BTG3: variants seen among roughly 807,000 people sequenced by gnomAD.
BTG3 encodes the protein protein BTG3.
Under a neutral mutation model 25.8 loss-of-function variants are expected in BTG3, and 4 were observed. The observed-to-expected ratio is 0.16, with a 90% CI of 0.08 to 0.36. BTG3 has a LOEUF of 0.36. Ranked by LOEUF, BTG3 falls within the 10% of genes least tolerant of loss-of-function variation. BTG3 has a pLI of 1.00. For missense variants in BTG3, 201 were observed against 304.9 expected, an observed-to-expected ratio of 0.66 and a Z score of 2.54; for synonymous variants, 107 against 99.9, an observed-to-expected ratio of 1.07 and a Z score of -0.42.
Position 17,606,297 on chromosome 21 carries a change from A to ATT in BTG3, c.174-1301_174-1300insAA, listed in dbSNP as rs2061641332. Among the ~76,000 whole-genome samples the ATT allele has an allele frequency of 2.0e-5, 3 of 152,140 alleles. No individual in the cohort carries two copies. In the South Asian group the frequency reaches 6.2e-4, roughly 31 times the overall value. ...TACTAAGTGATGGATCTAGGGTTCA[A>ATT]ATCCAGGCCACTAGACTCCAAAGAG... On this transcript the variant is annotated intron_variant, in intron 2 of 4. Coordinates refer to ENST00000348354, the MANE Select transcript of BTG3 (RefSeq NM_006806.5).
chr21:17,599,197 G>A lies in BTG3; in HGVS notation c.312-373C>T, dbSNP rs191935506. 579 of 194,446 alleles carry A rather than the reference G, an allele frequency of 3.0e-3. 4 individuals carry two copies. The highest frequency in any genetic ancestry group is 0.013 in the African/African-American group (537 of 41,960). The allele number at this position is 194,446 out of a possible 1,614,324, so 12.0% of individuals were successfully genotyped here. A position where few individuals can be genotyped will look rare whatever the true frequency, so the allele number is the denominator to read the frequency against. On this transcript the variant is annotated intron_variant, in intron 3 of 4. Transcript: ENST00000348354. ...TTCTGATGTATTTTTATTTTTTTGA[G>A]ATGGGTTTCACTCTGTTGCCCAGGC...
intron 3 of BTG3, among the ~76,000 whole-genome samples, chr21:17,600,160 G>A (rs185104176): frequency 1.8e-4 from 27 of 152,146 alleles, no homozygotes; most frequent in Admixed American, 1.6e-3. Flanking sequence ...ATTCTGAACT[G>A]TAGGAAAATA....
chr21:17,612,450 G>C (rs184255254), intron 1 of BTG3: 1 of 152,202 alleles, frequency 6.6e-6, no homozygotes, highest in Non-Finnish European at 1.5e-5. Flanking sequence ...GCCCTGAGGC[G>C]GCGTCTTTTT....
chr21:17,600,433 ATTCAT>A (rs1053861583), intron 3 of BTG3, among the ~76,000 whole-genome samples: 2 of 152,236 alleles, frequency 1.3e-5, no homozygotes, highest in African/African-American at 4.8e-5. Flanking sequence ...GCTGAAGTTA[ATTCAT>A]TTCAAGATAG....
In BTG3 at chr21:17,593,813, T is replaced by C. The variant is rs1569167895; in HGVS notation, c.*280A>G. Reference sequence around the variant, plus strand: ...CAAATCGTCCACTTCTACAGTGTTCTCGTATCCAACAGAGTTGATGCACAA... The same window carrying C: ...CAAATCGTCCACTTCTACAGTGTTCCCGTATCCAACAGAGTTGATGCACAA... On this transcript the variant is annotated 3_prime_UTR_variant, in exon 5 of 5. Transcript: ENST00000348354. 2.8e-6 allele frequency: 1 copy of C among 353,850 alleles called. No individual in the cohort carries two copies. The highest frequency in any genetic ancestry group is 5.6e-5 in the East Asian group (1 of 17,806). The allele number at this position is 353,850 out of a possible 1,614,324, so 21.9% of individuals were successfully genotyped here.
intron 4 of BTG3, among the ~76,000 whole-genome samples, chr21:17,596,206 T>C (rs972239387): frequency 1.3e-5 from 2 of 152,144 alleles, no homozygotes; most frequent in Admixed American, 6.5e-5. Context: ...TACAGATATA[T>C]GTAATGAGAA....
intron 4 of BTG3, 43 bp from the exon 5 acceptor site, chr21:17,594,375 T>C: frequency 3.2e-6 from 5 of 1,574,262 alleles, no homozygotes; most frequent in Non-Finnish European, 4.3e-6. Flanking sequence ...AAGGAAAAAA[T>C]CATCATCTAT....
At chr21:17,609,548 TAA>T (rs533818551) in intron 1 of BTG3, among the ~76,000 whole-genome samples, 1 of 152,164 alleles carries the variant, frequency 6.6e-6, no homozygotes, top group Admixed American at 6.5e-5. Flanking sequence ...CTTTAAAACA[TAA>T]AAAAAGTCTA....
chr21:17,611,601 C>CA (rs1476117153), intron 1 of BTG3: 1 of 152,296 alleles, frequency 6.6e-6, no homozygotes, highest in South Asian at 2.1e-4. Context: ...CCACCAGAGG[C>CA]AAGCAGGGCC....
chr21:17,602,872 A>AAT (rs1299421982), intron 3 of BTG3, among the ~76,000 whole-genome samples: 3 of 152,328 alleles, frequency 2.0e-5, no homozygotes, highest in Admixed American at 6.5e-5. Context: ...TTATATAATT[A>AAT]TGTAACTTGT....
intron 3 of BTG3, among the ~76,000 whole-genome samples, chr21:17,601,737 G>A (rs776074316): frequency 1.3e-5 from 2 of 152,110 alleles, no homozygotes; most frequent in African/African-American, 4.8e-5. Context: ...CAATGACTTA[G>A]GCCTATCTTC....
At chr21:17,597,392 A>G (rs2061517866) in intron 4 of BTG3, among the ~76,000 whole-genome samples, 1 of 152,184 alleles carries the variant, frequency 6.6e-6, no homozygotes, top group South Asian at 2.1e-4. Context: ...ACAGAGAAAA[A>G]AAATGCCTCA....
Position 17,594,248 on chromosome 21 carries a change from GATGGCC to G in BTG3, c.598_603del (p.Gly200_His201del), listed in dbSNP as rs750033952. The G allele has an allele frequency of 8.1e-6, 13 of 1,613,342 alleles. No homozygotes were observed. Among genetic ancestry groups the G allele is most frequent in the Middle Eastern group, 1.7e-4 (1 of 6,060 alleles). On this transcript the variant is annotated inframe_deletion, in exon 5 of 5. Transcript: ENST00000348354. ...GGAACAGGAGGAGGATAGTGATTCT[GATGGCC>G]ATTCCCTCGATACATTCCTGGCTTT...
intron 2 of BTG3, among the ~76,000 whole-genome samples, chr21:17,605,748 AAAT>A (rs2061631418): frequency 6.6e-6 from 1 of 152,230 alleles, no homozygotes; most frequent in Non-Finnish European, 1.5e-5. Flanking sequence ...GCATTCTGTT[AAAT>A]GATAAGCATT....
chr21:17,598,238 A>T (rs2061528900), intron 4 of BTG3, among the ~76,000 whole-genome samples: 1 of 152,196 alleles, frequency 6.6e-6, no homozygotes, highest in African/African-American at 2.4e-5. Flanking sequence ...TTTCTCTTTA[A>T]TCATGGAACG....
At chr21:17,608,923 C>G in intron 2 of BTG3, 49 bp downstream of exon 2, 1 of 1,563,270 alleles carries the variant, frequency 6.4e-7, no homozygotes, top group South Asian at 1.2e-5. Context: ...GGCCTTGAAC[C>G]CACCTCAGGG....
At chr21:17,601,623 G>A (rs916701400) in intron 3 of BTG3, among the ~76,000 whole-genome samples, 1 of 152,146 alleles carries the variant, frequency 6.6e-6, no homozygotes, top group African/African-American at 2.4e-5. Context: ...TTAGCATAAG[G>A]TTTTAGCAAT....
intron 2 of BTG3, among the ~76,000 whole-genome samples, chr21:17,607,696 T>C (rs2061662196): frequency 6.6e-6 from 1 of 152,194 alleles, no homozygotes. Flanking sequence ...AAAGTGTTGA[T>C]TTGTGTAGGA....
chr21:17,611,486 G>A (rs1426077404), intron 1 of BTG3, among the ~76,000 whole-genome samples: 1 of 152,102 alleles, frequency 6.6e-6, no homozygotes. Context: ...TGTTTTCCCC[G>A]TTTGAAGAAA....
Sources: gnomAD v4.1 joint callset for allele counts (sites outside exome capture counted in the v4.1 genomes callset) on GRCh38, gnomAD v4.1.1 for gene constraint, MANE v1.5 for transcripts, NCBI Gene and HGNC (gene_info 2026-07-23, HGNC 2026-07-21) for gene names.